Variants in ST7L observed in about 807,000 individuals in gnomAD.
ST7L encodes suppression of tumorigenicity 7 like, also known as suppressor of tumorigenicity 7 protein-like.
Under a neutral mutation model 72.5 loss-of-function variants are expected in ST7L, and 57 were observed. That is an observed-to-expected ratio of 0.79 (90% CI 0.64 to 0.98). The LOEUF (loss-of-function observed/expected upper bound fraction) is 0.98. ST7L is among the 50% of genes least tolerant of loss of function. ST7L has a pLI of 0.00. For synonymous variants in ST7L, 221 were observed against 240.9 expected, an observed-to-expected ratio of 0.92 and a Z score of 0.77; for missense variants, 576 against 672.2, an observed-to-expected ratio of 0.86 and a Z score of 1.58.
At position 112,559,046 on chromosome 1, in the gene ST7L, G is replaced by C. The variant is rs116474428; in HGVS notation, c.1246-3028C>G. ...ACCAAGTTCTTTCTATTAAAATTCTGTTTCATTTCACAGACAAGAGACAAA... is the reference window on the plus strand; with the variant it reads ...ACCAAGTTCTTTCTATTAAAATTCTCTTTCATTTCACAGACAAGAGACAAA... On this transcript the variant is annotated intron_variant, in intron 11 of 14. Transcript: ENST00000358039. 5.2e-3 allele frequency among the ~76,000 whole-genome samples: 793 copies of C among 152,198 alleles called. 2 individuals are homozygous for C. The highest frequency in any genetic ancestry group is 0.018 in the African/African-American group (756 of 41,530).
intron 13 of ST7L, 78 bp from the exon 14 acceptor site, chr1:112,542,168 C>A: frequency 7.3e-7 from 1 of 1,370,134 alleles, no homozygotes; most frequent in Non-Finnish European, 9.7e-7. Context: ...CAAATGAAAT[C>A]TGTTTTTAAA....
At chr1:112,550,260 G>A (rs898633067) in intron 13 of ST7L, among the ~76,000 whole-genome samples, 1 of 152,116 alleles carries the variant, frequency 6.6e-6, no homozygotes, top group Non-Finnish European at 1.5e-5. Flanking sequence ...TTGGTATCAG[G>A]AAAATACTGC....
intron 11 of ST7L, among the ~76,000 whole-genome samples, chr1:112,565,709 A>G (rs1660903830): frequency 6.6e-6 from 1 of 152,156 alleles, no homozygotes; most frequent in South Asian, 2.1e-4. Flanking sequence ...ACAAAGAAAC[A>G]AACACTGAAC....
intron 10 of ST7L, 139 bp downstream of exon 10, chr1:112,578,206 A>T: frequency 1.3e-6 from 1 of 784,612 alleles, no homozygotes; most frequent in South Asian, 1.8e-5. Flanking sequence ...CACAGCAAGA[A>T]GCCTAAAAGC....
intron 6 of ST7L, among the ~76,000 whole-genome samples, chr1:112,589,960 C>T (rs968355838): frequency 2.6e-5 from 4 of 152,166 alleles, no homozygotes; most frequent in South Asian, 2.1e-4. Context: ...GTCTAATTCC[C>T]GAGACTTTGC....
intron 5 of ST7L, among the ~76,000 whole-genome samples, chr1:112,594,515 T>C (rs986151109): frequency 1.3e-5 from 2 of 152,134 alleles, no homozygotes; most frequent in East Asian, 3.9e-4. Flanking sequence ...AAAGAATGGA[T>C]TGCTCCTAGG....
chr1:112,568,330 ATT>A (rs776031521), intron 11 of ST7L, among the ~76,000 whole-genome samples: 36 of 116,776 alleles, frequency 3.1e-4, no homozygotes, highest in Admixed American at 5.3e-4. Flanking sequence ...CTGTAATAAT[ATT>A]TTTTTTTTTT....
At position 112,547,561 on chromosome 1, in the gene ST7L, C is replaced by CTTTTTTTT. The variant is rs59755766; in HGVS notation, c.1489+3032_1489+3039dup. On this transcript the variant is annotated intron_variant, in intron 13 of 14. Transcript: ENST00000358039. ...ACACATTGTCTGTCATCTTTGTCAT[C>CTTTTTTTT]TTTTTTTTTTTTTTTTTTTTTTTTT... Among the ~76,000 whole-genome samples, 20 of 62,028 alleles carry CTTTTTTTT rather than the reference C, an allele frequency of 3.2e-4. 3 individuals are homozygous for CTTTTTTTT. Among genetic ancestry groups the CTTTTTTTT allele is most frequent in the African/African-American group, 1.2e-3 (18 of 15,640 alleles). The allele number at this position is 62,028 out of a possible 152,430, so 40.7% of individuals were successfully genotyped here.
At chr1:112,567,154 A>G (rs1221237518) in intron 11 of ST7L, among the ~76,000 whole-genome samples, 1 of 152,204 alleles carries the variant, frequency 6.6e-6, no homozygotes, top group Non-Finnish European at 1.5e-5. Flanking sequence ...GATAGATGTG[A>G]AAGTATTACT....
At chr1:112,522,170 AC>A (rs1355096403), downstream of ST7L, 1 of 152,244 alleles carries the variant, frequency 6.6e-6, no homozygotes, top group African/African-American at 2.4e-5. Context: ...AGCTGGGACT[AC>A]AGGGCCATGC....
intron 11 of ST7L, among the ~76,000 whole-genome samples, chr1:112,568,907 A>G (rs1230574049): frequency 3.4e-5 from 5 of 147,116 alleles, no homozygotes; most frequent in Non-Finnish European, 7.5e-5. Context: ...ATTTAAAAAT[A>G]TGCAACTTGA....
In ST7L at chr1:112,539,592, G is replaced by A. The variant is rs1050365740; in HGVS notation, c.1629+2359C>T. The A allele has an allele frequency of 3.5e-5, 22 of 635,030 alleles. No individual in the cohort carries two copies. The African/African-American group carries it at 4.2e-4, about 12-fold the overall frequency. The allele number at this position is 635,030 out of a possible 1,614,324, so 39.3% of individuals were successfully genotyped here. A position where few individuals can be genotyped will look rare whatever the true frequency, so the allele number is the denominator to read the frequency against. On this transcript the variant is annotated intron_variant, in intron 14 of 14. Transcript: ENST00000358039. Reference sequence around the variant, plus strand: ...AACTGCTTGAACCTAGAAGGCGGAGGTTGCAGTGAGCTGAGATCACGCCAT... The same window carrying A: ...AACTGCTTGAACCTAGAAGGCGGAGATTGCAGTGAGCTGAGATCACGCCAT...
chr1:112,610,247 G>T (rs1430485239), intron 3 of ST7L, among the ~76,000 whole-genome samples: 2 of 152,098 alleles, frequency 1.3e-5, no homozygotes, highest in Non-Finnish European at 2.9e-5. Flanking sequence ...ATTGGAATGT[G>T]GATATGATGG....
chr1:112,531,296 C>T (rs1050719311), intron 14 of ST7L, among the ~76,000 whole-genome samples: 1 of 152,140 alleles, frequency 6.6e-6, no homozygotes, highest in Non-Finnish European at 1.5e-5. Context: ...TGAGGTGAGA[C>T]ATTTCTTAAA....
At chr1:112,554,825 T>G (rs750616732) in intron 12 of ST7L, among the ~76,000 whole-genome samples, 4 of 152,182 alleles carry the variant, frequency 2.6e-5, no homozygotes, top group Non-Finnish European at 4.4e-5. Context: ...CTGATGCATA[T>G]TACCAATATA....
At chr1:112,541,235 G>A (rs1215663872) in intron 14 of ST7L, among the ~76,000 whole-genome samples, 3 of 151,694 alleles carry the variant, frequency 2.0e-5, no homozygotes, top group Admixed American at 1.3e-4. Flanking sequence ...AGTGAGCTGA[G>A]ATCGTACCAC....
intron 12 of ST7L, among the ~76,000 whole-genome samples, chr1:112,554,333 AT>A (rs1397440485): frequency 6.6e-6 from 1 of 152,218 alleles, no homozygotes. Context: ...AAGAAGATAT[AT>A]AAATGGCCAA....
rs1653135305 is a variant in ST7L, at chr1:112,524,648, C to T, written c.*1365G>A. 6.6e-6 allele frequency: 1 copy of T among 152,584 alleles called. No individual in the cohort carries two copies. Among genetic ancestry groups the T allele is most frequent in the Admixed American group, 6.5e-5 (1 of 15,278 alleles). The allele number at this position is 152,584 out of a possible 1,614,324, so 9.5% of individuals were successfully genotyped here. The stretch of plus-strand genomic sequence containing the variant: ...CGACCCTCCACTTGGGAACTGCCTG[C>T]TACTACGGGGGTTGGGCATCTTTGA... On this transcript the variant is annotated 3_prime_UTR_variant, in exon 15 of 15. Coordinates refer to ENST00000358039, the MANE Select transcript of ST7L (RefSeq NM_017744.5).
chr1:112,527,080 CAGTG>C (rs1240715202), intron 14 of ST7L: 1 of 152,254 alleles, frequency 6.6e-6, no homozygotes. Flanking sequence ...AGGCGCAAGA[CAGTG>C]AGTAAGAGCA....
Sources: gnomAD v4.1 joint callset for allele counts (sites outside exome capture counted in the v4.1 genomes callset) on GRCh38, gnomAD v4.1.1 for gene constraint, MANE v1.5 for transcripts, NCBI Gene and HGNC (gene_info 2026-07-23, HGNC 2026-07-21) for gene names.